Variants in CENPF observed in about 807,000 individuals in gnomAD.
CENPF encodes AH antigen.
In CENPF, 214 loss-of-function variants were observed where a neutral mutation model predicts 307.3. The ratio of observed to expected loss-of-function variants is 0.70; its 90% confidence interval spans 0.62 to 0.78. The LOEUF is 0.78. Ranked by LOEUF, CENPF falls within the 30% of genes least tolerant of loss-of-function variation. The pLI is 0.00. For synonymous variants in CENPF, 1,259 were observed against 1,270.6 expected (o/e 0.99, Z 0.19); for missense variants, 3,401 against 3,483.9 (o/e 0.98, Z 0.60).
At chr1:214,663,492 G>A in intron 19 of CENPF, 99 bp from the exon 20 acceptor site, 6 of 1,172,532 alleles carry the variant, frequency 5.1e-6, no homozygotes, top group East Asian at 2.5e-5. Flanking sequence ...TCCTAGAGAA[G>A]AAGAACTTAA....
chr1:214,627,364 A>C (rs1657683613), intron 7 of CENPF, among the ~76,000 whole-genome samples: 1 of 123,636 alleles, frequency 8.1e-6, no homozygotes, highest in South Asian at 2.7e-4. Flanking sequence ...CAACCCCCTC[A>C]GGCTCTTTTT....
chr1:214,642,071 C>G lies in CENPF; in HGVS notation c.3733C>G (p.Leu1245Val), dbSNP rs1192766990. 6.2e-7 allele frequency: 1 copy of G among 1,610,868 alleles called. No individual in the cohort carries two copies. The highest frequency in any genetic ancestry group is 8.5e-7 in the Non-Finnish European group (1 of 1,179,088). Residue 1245 changes from leucine to valine, a missense_variant, in exon 12 of 20, where the codon CTT (leucine) becomes GTT (valine). Transcript: ENST00000366955. ...QHELQTIRGD[L>V]ETSNLQDMQS... is the part of the protein sequence containing the mutation. The stretch of plus-strand genomic sequence containing the variant: ...TGAATTACAGACAATTAGAGGAGAT[C>G]TTGAAACCAGCAATTTGCAAGACAT...
chr1:214,648,451 C>A, intron 13 of CENPF: 1 of 700,712 alleles, frequency 1.4e-6, no homozygotes. Flanking sequence ...TCATTCCTTC[C>A]CTTATTACTA....
At chr1:214,652,433 G>C (rs1044556878) in intron 15 of CENPF, among the ~76,000 whole-genome samples, 2 of 142,410 alleles carry the variant, frequency 1.4e-5, no homozygotes, top group African/African-American at 5.3e-5. Context: ...TTTTGTTTTT[G>C]TTTTTCTTTT....
chr1:214,654,996 A>G (rs1421390031), intron 16 of CENPF, among the ~76,000 whole-genome samples: 1 of 152,220 alleles, frequency 6.6e-6, no homozygotes, highest in Non-Finnish European at 1.5e-5. Context: ...CTTAATAGAC[A>G]TCTCAGGAAC....
intron 7 of CENPF, among the ~76,000 whole-genome samples, chr1:214,624,731 G>A (rs1407620752): frequency 6.8e-6 from 1 of 147,410 alleles, no homozygotes; most frequent in Non-Finnish European, 1.5e-5. Flanking sequence ...TTTTTTCTCT[G>A]TTTTCAATTT....
chr1:214,643,016 C>T lies in CENPF; in HGVS notation c.4678C>T (p.Arg1560Trp), dbSNP rs752038507. 90 of 1,608,352 alleles carry T rather than the reference C, an allele frequency of 5.6e-5. No homozygotes were observed. The highest frequency in any genetic ancestry group is 7.0e-5 in the Non-Finnish European group (83 of 1,178,474). ...GCTTGAGTCCCTCTGTGAGGTGTACCGGCAGTCCCTCGAGAAGCTAGAAGA... is the reference window on the plus strand; with the variant it reads ...GCTTGAGTCCCTCTGTGAGGTGTACTGGCAGTCCCTCGAGAAGCTAGAAGA... ...EELESLCEVYRQSLEKLEEKM... is the reference protein window; with the variant it reads ...EELESLCEVYWQSLEKLEEKM... The change falls in exon 12 of 20, where the codon CGG becomes TGG. Residue 1560 changes from arginine (R) to tryptophan (W), a missense_variant. Arg to Trp is a moderately radical substitution (Grantham distance 101). Transcript: ENST00000366955.
intron 13 of CENPF, chr1:214,648,363 A>T (rs961591336): frequency 4.1e-5 from 19 of 458,994 alleles, no homozygotes; most frequent in African/African-American, 3.8e-4. Context: ...TGATAATGAT[A>T]ATCTTTGATG....
At chr1:214,608,682 C>G in intron 1 of CENPF, 1 of 1,597,004 alleles carries the variant, frequency 6.3e-7, no homozygotes, top group Non-Finnish European at 8.5e-7. Context: ...GCAGGGTCCC[C>G]AAGGGGGCGG....
At chr1:214,605,012 T>C (rs1656984647) in intron 1 of CENPF, among the ~76,000 whole-genome samples, 1 of 152,174 alleles carries the variant, frequency 6.6e-6, no homozygotes, top group Non-Finnish European at 1.5e-5. Flanking sequence ...TAAAATCGAT[T>C]GAAAAAAACC....
chr1:214,621,929 G>C (rs1657516446), intron 6 of CENPF, 150 bp from the exon 7 acceptor site: 2 of 638,264 alleles, frequency 3.1e-6, no homozygotes, highest in African/African-American at 3.7e-5. Flanking sequence ...ACTAACTATT[G>C]AAATTAAATC....
chr1:214,637,108 C>G (rs1657984098), intron 10 of CENPF, among the ~76,000 whole-genome samples: 2 of 152,230 alleles, frequency 1.3e-5, no homozygotes, highest in Admixed American at 1.3e-4. Flanking sequence ...TCTCTTCAAT[C>G]AGATGCCCAA....
chr1:214,647,515 C>A, intron 13 of CENPF, 115 bp downstream of exon 13: 2 of 1,214,676 alleles, frequency 1.6e-6, no homozygotes, highest in Non-Finnish European at 2.2e-6. Flanking sequence ...TATATTGGAC[C>A]AAACTTTGTA....
At chr1:214,643,435 G>T (rs910552122) in intron 12 of CENPF, 111 bp downstream of exon 12, 2 of 1,012,798 alleles carry the variant, frequency 2.0e-6, no homozygotes, top group Non-Finnish European at 2.7e-6. Context: ...ATATTTTTAG[G>T]GTTCAAGGAA....
At chr1:214,608,474 C>T in intron 1 of CENPF, 1 of 1,612,970 alleles carries the variant, frequency 6.2e-7, no homozygotes, top group Non-Finnish European at 8.5e-7. Context: ...TGGCCCAGGT[C>T]CACGGCATTG....
Position 214,658,881 on chromosome 1 carries a change from C to T in CENPF, c.8994C>T (p.Ser2998=), listed in dbSNP as rs1658715613. ...GFADIPTGKT[S]PYILRRTTMA... ...CTGACATCCCGACAGGAAAGACTAG[C>T]CCATATATCCTGCGAAGAACAACCA... Residue 2998 remains serine, a synonymous_variant, in exon 19 of 20, where the codon AGC becomes AGT. Transcript: ENST00000366955. 1 of 1,613,922 alleles carries T rather than the reference C, an allele frequency of 6.2e-7. No individual in the cohort carries two copies. Among genetic ancestry groups the T allele is most frequent in the African/African-American group, 1.3e-5 (1 of 74,882 alleles).
At chr1:214,632,458 T>C (rs1571708689) in intron 9 of CENPF, 22 bp from the exon 10 acceptor site, 1 of 1,603,158 alleles carries the variant, frequency 6.2e-7, no homozygotes, top group African/African-American at 1.3e-5. Context: ...AAATGAAACT[T>C]GGTCTCTTTT....
intron 12 of CENPF, among the ~76,000 whole-genome samples, chr1:214,644,122 T>C (rs1477616248): frequency 1.3e-5 from 2 of 152,224 alleles, no homozygotes; most frequent in East Asian, 3.8e-4. Flanking sequence ...GATTAAGTCC[T>C]TGGACTGGGA....
intron 3 of CENPF, chr1:214,615,304 C>G (rs1347140672): frequency 1.4e-5 from 3 of 209,774 alleles, no homozygotes; most frequent in Non-Finnish European, 2.8e-5. Flanking sequence ...GTTTATTAAG[C>G]TGTACCATGA....
Sources: allele counts gnomAD v4.1 joint callset (sites outside exome capture counted in the v4.1 genomes callset), GRCh38; gene constraint gnomAD v4.1.1; transcripts MANE v1.5; gene names NCBI Gene and HGNC (gene_info 2026-07-23, HGNC 2026-07-21).